ZZZ3: variants seen among roughly 807,000 people sequenced by gnomAD.
ZZZ3 encodes the protein ZZ-type zinc finger-containing protein 3.
Under a neutral mutation model 95.2 loss-of-function variants are expected in ZZZ3, and 22 were observed. The observed-to-expected ratio is 0.23, with a 90% CI of 0.17 to 0.33. The LOEUF is 0.33. ZZZ3 is among the 10% of genes least tolerant of loss of function. The pLI, the probability that ZZZ3 is intolerant of heterozygous loss-of-function variation, is 1.00. For missense variants in ZZZ3, 885 were observed against 1,066.5 expected, an observed-to-expected ratio of 0.83 and a Z score of 2.37; for synonymous variants, 335 against 358.9, an observed-to-expected ratio of 0.93 and a Z score of 0.75.
intron 1 of ZZZ3, among the ~76,000 whole-genome samples, chr1:77,674,502 T>C (rs1178315179): frequency 1.3e-5 from 2 of 152,222 alleles, no homozygotes; most frequent in Non-Finnish European, 2.9e-5. Flanking sequence ...TTTCTGGAGT[T>C]CTGACAGTGT....
At chr1:77,634,290 C>T (rs998323483) in intron 4 of ZZZ3, among the ~76,000 whole-genome samples, 1 of 152,138 alleles carries the variant, frequency 6.6e-6, no homozygotes, top group Non-Finnish European at 1.5e-5. Context: ...TCCCGGTATA[C>T]AGAAAGGCAG....
intron 1 of ZZZ3, among the ~76,000 whole-genome samples, chr1:77,659,787 G>A (rs1428067551): frequency 2.6e-5 from 4 of 151,712 alleles, no homozygotes; most frequent in Non-Finnish European, 5.9e-5. Flanking sequence ...TACTAGAGGA[G>A]TGAGGATTGG....
chr1:77,642,875 G>T (rs555635710), intron 1 of ZZZ3, among the ~76,000 whole-genome samples: 1 of 152,130 alleles, frequency 6.6e-6, no homozygotes, highest in African/African-American at 2.4e-5. Flanking sequence ...ACAATAGAGC[G>T]ATTAAGAAAC....
intron 1 of ZZZ3, among the ~76,000 whole-genome samples, chr1:77,648,348 CAAAAAAAAAAAA>C (rs774444208): frequency 1.9e-5 from 1 of 52,952 alleles, no homozygotes. Flanking sequence ...AATCTTGCCT[CAAAAAAAAAAAA>C]AAAAAAAAAA....
intron 5 of ZZZ3, among the ~76,000 whole-genome samples, chr1:77,608,786 T>G (rs1665495536): frequency 6.6e-6 from 1 of 152,182 alleles, no homozygotes; most frequent in African/African-American, 2.4e-5. Context: ...TGTTTTTGTT[T>G]ATTTGTTTAT....
Position 77,582,112 on chromosome 1 carries a change from A to C in ZZZ3, c.1659T>G (p.Leu553=). ...EKLQKKADIG[L]PYPQRVVQLP... Reference sequence around the variant, plus strand: ...ATTGAACAACTCTCTGTGGATATGGAAGCCCAATATCAGCCTGGAGGCAGG... The same window carrying C: ...ATTGAACAACTCTCTGTGGATATGGCAGCCCAATATCAGCCTGGAGGCAGG... Residue 553 remains leucine, a synonymous_variant, in exon 7 of 15, where the codon CTT becomes CTG. Coordinates refer to ENST00000370801, the MANE Select transcript of ZZZ3 (RefSeq NM_015534.6). The C allele has an allele frequency of 6.2e-7, 1 of 1,608,644 alleles. No homozygotes were observed. Among genetic ancestry groups the C allele is most frequent in the African/African-American group, 1.3e-5 (1 of 74,822 alleles).
chr1:77,670,678 T>A (rs1289387134), intron 1 of ZZZ3, among the ~76,000 whole-genome samples: 1 of 151,420 alleles, frequency 6.6e-6, no homozygotes, highest in Non-Finnish European at 1.5e-5. Context: ...AACACCTTGA[T>A]GAACAGACTT....
chr1:77,673,863 T>C (rs559264039), intron 1 of ZZZ3, among the ~76,000 whole-genome samples: 8 of 152,208 alleles, frequency 5.3e-5, no homozygotes, highest in African/African-American at 1.9e-4. Flanking sequence ...CTGAAGATAC[T>C]ACATGGTATC....
chr1:77,658,296 C>T (rs979808818), intron 1 of ZZZ3, among the ~76,000 whole-genome samples: 8 of 151,624 alleles, frequency 5.3e-5, no homozygotes, highest in African/African-American at 1.9e-4. Context: ...GGCATCCTGG[C>T]ATTTATTCCC....
intron 1 of ZZZ3, among the ~76,000 whole-genome samples, chr1:77,656,109 T>C (rs1670247388): frequency 6.6e-6 from 1 of 152,234 alleles, no homozygotes; most frequent in South Asian, 2.1e-4. Flanking sequence ...TATATTTAAT[T>C]TTTACAAATG....
intron 11 of ZZZ3, among the ~76,000 whole-genome samples, chr1:77,576,693 T>C (rs1661982083): frequency 6.6e-6 from 1 of 151,938 alleles, no homozygotes; most frequent in African/African-American, 2.4e-5. Context: ...GGTTGTCCAA[T>C]CTTTGGCTTC....
chr1:77,661,730 T>G (rs890490122), intron 1 of ZZZ3, among the ~76,000 whole-genome samples: 1 of 152,120 alleles, frequency 6.6e-6, no homozygotes, highest in Non-Finnish European at 1.5e-5. Context: ...CACTCAAAAT[T>G]GCTTTCTTTT....
At chr1:77,676,544 T>A in intron 1 of ZZZ3, among the ~76,000 whole-genome samples, 1 of 152,194 alleles carries the variant, frequency 6.6e-6, no homozygotes, top group Non-Finnish European at 1.5e-5. Flanking sequence ...CCAAATTATG[T>A]GGTATGGAAA....
At chr1:77,567,407 C>A (rs562793908) in intron 13 of ZZZ3, among the ~76,000 whole-genome samples, 31 of 152,178 alleles carry the variant, frequency 2.0e-4, no homozygotes, top group Non-Finnish European at 3.5e-4. Flanking sequence ...CAGTTCCAAA[C>A]CCACTGCTTT....
At chr1:77,624,791 G>A (rs1260874260) in intron 5 of ZZZ3, among the ~76,000 whole-genome samples, 1 of 152,186 alleles carries the variant, frequency 6.6e-6, no homozygotes, top group East Asian at 1.9e-4. Flanking sequence ...GAAACTGTGG[G>A]TAACCTGAGG....
chr1:77,589,201 C>T (rs1443005340), intron 5 of ZZZ3, among the ~76,000 whole-genome samples: 1 of 152,136 alleles, frequency 6.6e-6, no homozygotes, highest in African/African-American at 2.4e-5. Flanking sequence ...TTTTACATCT[C>T]AAACAGAAAG....
chr1:77,570,628 A>G (rs1441764111), intron 12 of ZZZ3, among the ~76,000 whole-genome samples: 1 of 149,564 alleles, frequency 6.7e-6, no homozygotes, highest in African/African-American at 2.5e-5. Flanking sequence ...CTTATCTCCC[A>G]CTTTTTCCTG....
At chr1:77,649,688 G>A (rs1370521373) in intron 1 of ZZZ3, among the ~76,000 whole-genome samples, 9 of 152,090 alleles carry the variant, frequency 5.9e-5, no homozygotes, top group African/African-American at 2.2e-4. Context: ...CTTGAGACCA[G>A]CCTGACCAAC....
chr1:77,641,325 TA>T (rs547755192), intron 3 of ZZZ3, 58 bp downstream of exon 3: 341 of 375,086 alleles, frequency 9.1e-4, no homozygotes, highest in Non-Finnish European at 1.4e-3. Context: ...GATTATCCAC[TA>T]CGATATTTAG....
Sources: gnomAD v4.1 joint callset for allele counts (sites outside exome capture counted in the v4.1 genomes callset) on GRCh38, gnomAD v4.1.1 for gene constraint, MANE v1.5 for transcripts, NCBI Gene and HGNC (gene_info 2026-07-23, HGNC 2026-07-21) for gene names.